The following MGAT4C variants were observed in gnomAD, a reference collection of about 807,000 sequenced individuals.
MGAT4C encodes the protein MGAT4 family member C, also known as alpha-1,3-mannosyl-glycoprotein 4-beta-N-acetylglucosaminyltransferase C.
MGAT4C carries 19 observed loss-of-function variants against 40.1 expected under a neutral mutation model. That is an observed-to-expected ratio of 0.47 (90% CI 0.33 to 0.70). MGAT4C has a LOEUF of 0.70. Ranked by LOEUF, MGAT4C falls within the 30% of genes least tolerant of loss-of-function variation. The pLI, the probability that MGAT4C is intolerant of heterozygous loss-of-function variation, is 0.02. For missense variants in MGAT4C, 491 were observed against 563.2 expected (o/e 0.87, Z 1.30); for synonymous variants, 181 against 187.1 (o/e 0.97, Z 0.27).
chr12:86,410,576 CAT>C (rs922671372), intron 3 of MGAT4C, among the ~76,000 whole-genome samples: 3 of 152,134 alleles, frequency 2.0e-5, no homozygotes, highest in Non-Finnish European at 4.4e-5. Flanking sequence ...GCACTGATTT[CAT>C]ATTGTTCAAA....
rs190682158 is a variant in MGAT4C, at chr12:86,403,206, C to T, written c.-120+31951G>A. Among the ~76,000 whole-genome samples the T allele has an allele frequency of 9.3e-4, 141 of 152,236 alleles. 1 individual carries two copies. Among genetic ancestry groups the T allele is most frequent in the African/African-American group, 3.1e-3 (127 of 41,558 alleles). On this transcript the variant is annotated intron_variant, in intron 3 of 7. Transcript: ENST00000548651. Reference sequence around the variant, plus strand: ...TTCTTACATAAATGGTAAAGCTTACCTTCCACCATTGACATTGATTATTAT... The same window carrying T: ...TTCTTACATAAATGGTAAAGCTTACTTTCCACCATTGACATTGATTATTAT...
intron 2 of MGAT4C, among the ~76,000 whole-genome samples, chr12:86,622,935 A>G (rs755577238): frequency 1.4e-4 from 22 of 152,140 alleles, no homozygotes; most frequent in Non-Finnish European, 2.9e-4. Context: ...TTAAACATAA[A>G]CAAGAAAGCT....
chr12:86,133,877 T>C (rs1372263119), intron 1 of MGAT4C, among the ~76,000 whole-genome samples: 2 of 152,042 alleles, frequency 1.3e-5, no homozygotes, highest in African/African-American at 4.8e-5. Context: ...AACAAAGTAA[T>C]CATCTCATTC....
chr12:86,772,553 A>G (rs916813321), intron 1 of MGAT4C, among the ~76,000 whole-genome samples: 2 of 152,130 alleles, frequency 1.3e-5, no homozygotes, highest in Non-Finnish European at 2.9e-5. Context: ...AAAGTTTCAA[A>G]GGAACAGGCC....
chr12:86,659,622 G>C (rs752629863), intron 2 of MGAT4C, among the ~76,000 whole-genome samples: 7 of 152,044 alleles, frequency 4.6e-5, no homozygotes, highest in Non-Finnish European at 8.8e-5. Flanking sequence ...GAAGCAGCCA[G>C]AAGTACAAAA....
In MGAT4C at chr12:86,208,250, G is replaced by T. The variant is rs942725136; in HGVS notation, c.-57+47989C>A. Among the ~76,000 whole-genome samples, 10 of 152,184 alleles carry T rather than the reference G, an allele frequency of 6.6e-5. 1 individual carries two copies. In the South Asian group the frequency reaches 1.0e-3, roughly 16 times the overall value. ...GGAGGCCGAGGCGGGCAGATCACTT[G>T]AGATCAGGAGTTCAAGACCAGCCTG... On this transcript the variant is annotated intron_variant, in intron 1 of 4. Transcript: ENST00000611864.
chr12:86,784,334 AC>A (rs1254154583), intron 1 of MGAT4C, among the ~76,000 whole-genome samples: 1 of 152,124 alleles, frequency 6.6e-6, no homozygotes, highest in Non-Finnish European at 1.5e-5. Flanking sequence ...TAGCATGCAG[AC>A]CACCAAAACA....
At chr12:86,480,638 AATG>A (rs1012373453) in intron 2 of MGAT4C, among the ~76,000 whole-genome samples, 1 of 151,480 alleles carries the variant, frequency 6.6e-6, no homozygotes, top group African/African-American at 2.4e-5. Flanking sequence ...ATAAGTAGTT[AATG>A]ATGTATAAAC....
chr12:86,427,824 T>C (rs971014624), intron 3 of MGAT4C, among the ~76,000 whole-genome samples: 2 of 152,002 alleles, frequency 1.3e-5, no homozygotes, highest in African/African-American at 2.4e-5. Flanking sequence ...ATCAAGACCA[T>C]CCTGGCTAAC....
intron 3 of MGAT4C, among the ~76,000 whole-genome samples, chr12:86,361,787 T>C (rs543275135): frequency 2.6e-5 from 4 of 152,300 alleles, no homozygotes; most frequent in Admixed American, 6.5e-5. Flanking sequence ...CACAATGAGA[T>C]ACCATCTCAC....
intron 2 of MGAT4C, among the ~76,000 whole-genome samples, chr12:86,012,325 A>G (rs1333265712): frequency 6.6e-6 from 1 of 152,212 alleles, no homozygotes; most frequent in African/African-American, 2.4e-5. Context: ...GAACACAGTT[A>G]TGGAAGCAAG....
chr12:86,767,376 C>T (rs957923546), intron 1 of MGAT4C, among the ~76,000 whole-genome samples: 3 of 152,126 alleles, frequency 2.0e-5, no homozygotes, highest in Non-Finnish European at 4.4e-5. Context: ...TAATCAATAG[C>T]TTACCAACCA....
rs147416995 is a variant in MGAT4C at position 86,344,388 on chromosome 12, C to G, written c.-119-10261G>C. ...AGGCGCTGAAGAACTAAATAGACTA[C>G]TCTTTTTATTCCTTGACAGTTTTGC... On this transcript the variant is annotated intron_variant, in intron 3 of 7. Transcript: ENST00000548651. 1.6e-3 allele frequency among the ~76,000 whole-genome samples: 249 copies of G among 152,308 alleles called. 1 individual carries two copies. Among genetic ancestry groups the G allele is most frequent in the African/African-American group, 5.8e-3 (241 of 41,570 alleles).
intron 2 of MGAT4C, among the ~76,000 whole-genome samples, chr12:86,012,802 C>A (rs375712953): frequency 0.027 from 4,055 of 150,204 alleles, 75 homozygotes; most frequent in Middle Eastern, 0.062. Flanking sequence ...CCACCACCAC[C>A]ACCACCACCA....
intron 1 of MGAT4C, among the ~76,000 whole-genome samples, chr12:86,113,764 G>A (rs12813222): frequency 6.6e-6 from 1 of 151,804 alleles, no homozygotes; most frequent in African/African-American, 2.4e-5. Context: ...ATTTCTAATT[G>A]TCTCATTTTA....
chr12:86,622,272 T>G (rs542627985), intron 2 of MGAT4C, among the ~76,000 whole-genome samples: 2 of 152,016 alleles, frequency 1.3e-5, no homozygotes, highest in South Asian at 2.1e-4. Flanking sequence ...CCAAGGAGTA[T>G]AGGCAGCAAA....
chr12:86,665,020 C>T (rs935789446), intron 2 of MGAT4C, among the ~76,000 whole-genome samples: 1 of 152,014 alleles, frequency 6.6e-6, no homozygotes, highest in African/African-American at 2.4e-5. Context: ...CCTTCAGTCA[C>T]GTAGAGTAGA....
intron 1 of MGAT4C, among the ~76,000 whole-genome samples, chr12:86,181,817 A>G (rs531323226): frequency 2.6e-5 from 4 of 152,154 alleles, no homozygotes; most frequent in East Asian, 1.9e-4. Flanking sequence ...CAATTTTTCA[A>G]TTGATTTTTA....
chr12:86,810,085 T>C (rs958689680), intron 1 of MGAT4C, among the ~76,000 whole-genome samples: 1 of 152,066 alleles, frequency 6.6e-6, no homozygotes, highest in African/African-American at 2.4e-5. Flanking sequence ...ACAGAGTCTT[T>C]TAAGTGTTTA....
Sources: gnomAD v4.1 joint callset for allele counts (sites outside exome capture counted in the v4.1 genomes callset) on GRCh38, gnomAD v4.1.1 for gene constraint, MANE v1.5 for transcripts, NCBI Gene and HGNC (gene_info 2026-07-23, HGNC 2026-07-21) for gene names.